Variants in LYPLAL1 observed in about 807,000 individuals in gnomAD.
LYPLAL1 encodes the protein lysophospholipase-like protein 1.
Under a neutral mutation model 19.7 loss-of-function variants are expected in LYPLAL1, and 23 were observed. The ratio of observed to expected loss-of-function variants is 1.17; its 90% CI spans 0.84 to 1.65. LYPLAL1 has a LOEUF of 1.65. LYPLAL1 is among the 40% of genes most tolerant of loss of function. The pLI is 0.00. For synonymous variants in LYPLAL1, 119 were observed against 96.3 expected (o/e 1.24, Z -1.38); for missense variants, 355 against 279.4 (o/e 1.27, Z -1.93).
chr1:219,305,440 A>G, the LYPLAL1 span, among the ~76,000 whole-genome samples: 3 of 152,172 alleles, frequency 2.0e-5, no homozygotes, highest in African/African-American at 7.2e-5. Flanking sequence ...AAAACAGCCG[A>G]AGATGCCTCC....
At chr1:219,286,571 T>C in the LYPLAL1 span, among the ~76,000 whole-genome samples, 1 of 152,206 alleles carries the variant, frequency 6.6e-6, no homozygotes, top group East Asian at 1.9e-4. Context: ...ATTAGGAGTC[T>C]CCTTCCCTGA....
At chr1:219,246,535 C>G in the LYPLAL1 span, among the ~76,000 whole-genome samples, 1 of 152,182 alleles carries the variant, frequency 6.6e-6, no homozygotes, top group African/African-American at 2.4e-5. Context: ...CACCAGAACT[C>G]TCTCCCTTTA....
At chr1:219,175,722 A>T (rs1194155211) in intron 1 of LYPLAL1, among the ~76,000 whole-genome samples, 1 of 152,136 alleles carries the variant, frequency 6.6e-6, no homozygotes, top group East Asian at 1.9e-4. Context: ...ATAAAACCTT[A>T]TTGGGAGTAG....
intron 2 of LYPLAL1, among the ~76,000 whole-genome samples, chr1:219,182,093 TAA>T (rs1302113154): frequency 2.6e-5 from 4 of 152,164 alleles, no homozygotes; most frequent in Non-Finnish European, 4.4e-5. Context: ...TTGTTGTTCA[TAA>T]GGGGTTGCAA....
chr1:219,251,568 G>C, the LYPLAL1 span, among the ~76,000 whole-genome samples: 36 of 151,882 alleles, frequency 2.4e-4, no homozygotes, highest in Admixed American at 1.5e-3. Flanking sequence ...TGTCAGCTTT[G>C]TCAAAGATCA....
chr1:219,309,839 C>T, the LYPLAL1 span, among the ~76,000 whole-genome samples: 3 of 152,126 alleles, frequency 2.0e-5, no homozygotes, highest in Non-Finnish European at 2.9e-5. Flanking sequence ...AGACACAGGA[C>T]TTATATCTTA....
chr1:219,354,694 C>T, the LYPLAL1 span, among the ~76,000 whole-genome samples: 1 of 152,008 alleles, frequency 6.6e-6, no homozygotes, highest in Non-Finnish European at 1.5e-5. Context: ...AAGAATGCCT[C>T]ATATTTTTTA....
chr1:219,244,877 G>A, the LYPLAL1 span, among the ~76,000 whole-genome samples: 10 of 142,060 alleles, frequency 7.0e-5, no homozygotes, highest in African/African-American at 2.3e-4. Flanking sequence ...AACTCAGTAG[G>A]TGAAGGTTGC....
chr1:219,183,471 G>A (rs372504884), intron 2 of LYPLAL1, among the ~76,000 whole-genome samples: 1 of 151,954 alleles, frequency 6.6e-6, no homozygotes, highest in South Asian at 2.1e-4. Flanking sequence ...TATGTGCATA[G>A]TTAATTTTGA....
chr1:219,405,293 T>C, the LYPLAL1 span, among the ~76,000 whole-genome samples: 1 of 152,178 alleles, frequency 6.6e-6, no homozygotes, highest in African/African-American at 2.4e-5. Flanking sequence ...ACCAAATAAA[T>C]TCCCTTGGGG....
downstream of LYPLAL1, among the ~76,000 whole-genome samples, chr1:219,216,152 T>C (rs903840192): frequency 6.6e-6 from 1 of 152,130 alleles, no homozygotes; most frequent in Admixed American, 6.6e-5. Context: ...TTCTATATAA[T>C]AGGCTTAATC....
the LYPLAL1 span, among the ~76,000 whole-genome samples, chr1:219,283,920 A>C: frequency 1.3e-5 from 2 of 152,104 alleles, no homozygotes; most frequent in East Asian, 3.9e-4. Context: ...CTCAGAATGA[A>C]ATTGTTCTTA....
chr1:219,262,616 GCCA>G, the LYPLAL1 span, among the ~76,000 whole-genome samples: 1 of 152,138 alleles, frequency 6.6e-6, no homozygotes, highest in Non-Finnish European at 1.5e-5. Context: ...TCTGGGTCTA[GCCA>G]CCCAGTGGGG....
At chr1:219,324,409 G>C in the LYPLAL1 span, among the ~76,000 whole-genome samples, 1 of 152,154 alleles carries the variant, frequency 6.6e-6, no homozygotes, top group Non-Finnish European at 1.5e-5. Context: ...CAGAAAGCCT[G>C]ACCTTAACAA....
chr1:219,409,932 T>C, the LYPLAL1 span: 3 of 152,244 alleles, frequency 2.0e-5, no homozygotes, highest in African/African-American at 7.2e-5. Context: ...ATTTATCTTA[T>C]CAAAATAATT....
At chr1:219,386,732 C>G in the LYPLAL1 span, among the ~76,000 whole-genome samples, 3 of 152,304 alleles carry the variant, frequency 2.0e-5, no homozygotes, top group African/African-American at 7.2e-5. Context: ...GTGAACTTAA[C>G]CCAAATCTGC....
the LYPLAL1 span, among the ~76,000 whole-genome samples, chr1:219,440,012 TACACAC>T: frequency 9.9e-6 from 1 of 100,904 alleles, no homozygotes; most frequent in African/African-American, 4.4e-5. Flanking sequence ...TATATATATA[TACACAC>T]ACACACATAT....
the LYPLAL1 span, among the ~76,000 whole-genome samples, chr1:219,345,693 CCTTTCTTT>C: frequency 6.6e-6 from 1 of 152,240 alleles, no homozygotes; most frequent in South Asian, 2.1e-4. Flanking sequence ...TTTCCCTTCA[CCTTTCTTT>C]CTTTTGCTTC....
chr1:219,282,362 C>G, the LYPLAL1 span, among the ~76,000 whole-genome samples: 14 of 151,892 alleles, frequency 9.2e-5, no homozygotes, highest in Non-Finnish European at 1.5e-5. Context: ...CTTGTGAGCT[C>G]TCCAGCTACT....
Sources: allele counts gnomAD v4.1 joint callset (sites outside exome capture counted in the v4.1 genomes callset), GRCh38; gene constraint gnomAD v4.1.1; transcripts MANE v1.5; gene names NCBI Gene and HGNC (gene_info 2026-07-23, HGNC 2026-07-21).